LIPI: variants seen among roughly 807,000 people sequenced by gnomAD.
LIPI encodes the protein lipase I, also known as lipase member I.
LIPI carries 59 observed loss-of-function variants against 50.6 expected under a neutral mutation model. That is an observed-to-expected ratio of 1.16 (90% CI 0.94 to 1.45). LIPI has a LOEUF of 1.45. LIPI is among the 40% of genes most tolerant of loss of function. The pLI is 0.00. For missense variants in LIPI, 586 were observed against 536.3 expected, an observed-to-expected ratio of 1.09 and a Z score of -0.92; for synonymous variants, 203 against 178.2, an observed-to-expected ratio of 1.14 and a Z score of -1.11.
chr21:14,204,509 T>G (rs1406093296), intron 1 of LIPI, among the ~76,000 whole-genome samples: 1 of 151,868 alleles, frequency 6.6e-6, no homozygotes, highest in Admixed American at 6.6e-5. Context: ...CTCAATACAA[T>G]AACTAAGGAG....
chr21:14,196,696 C>T lies in LIPI; in HGVS notation c.47-7277G>A, dbSNP rs183853432. Among the ~76,000 whole-genome samples the T allele has an allele frequency of 7.9e-5, 12 of 152,062 alleles. No individual in the cohort carries two copies. The East Asian group carries it at 2.3e-3, about 29-fold the overall frequency. The stretch of plus-strand genomic sequence containing the variant: ...AAGTAAAAATCTAGGTCTGGTAGTG[C>T]ACACCTGTGGTCCTGCCTACTCAGG... On this transcript the variant is annotated intron_variant, in intron 1 of 9. Transcript: ENST00000681601.
chr21:14,123,336 C>T (rs767365198), intron 9 of LIPI, among the ~76,000 whole-genome samples: 45 of 152,232 alleles, frequency 3.0e-4, no homozygotes, highest in Non-Finnish European at 6.0e-4. Context: ...CAGTTTCCAG[C>T]GCTGAATCAG....
At chr21:14,109,823 G>A (rs2016331557) in intron 9 of LIPI, among the ~76,000 whole-genome samples, 2 of 151,496 alleles carry the variant, frequency 1.3e-5, no homozygotes, top group Admixed American at 6.6e-5. Context: ...TTTTACCAAA[G>A]CCTTTGAGAA....
At chr21:14,113,710 C>G (rs2016505377) in intron 9 of LIPI, among the ~76,000 whole-genome samples, 1 of 152,154 alleles carries the variant, frequency 6.6e-6, no homozygotes, top group Non-Finnish European at 1.5e-5. Context: ...TTAGTCTGTT[C>G]TCACACTGCT....
chr21:14,155,577 A>G, intron 7 of LIPI, among the ~76,000 whole-genome samples: 1 of 152,064 alleles, frequency 6.6e-6, no homozygotes, highest in African/African-American at 2.4e-5. Context: ...AGCAGCCAGA[A>G]AGAAATGATG....
At chr21:14,201,638 C>T (rs1332758753) in intron 1 of LIPI, among the ~76,000 whole-genome samples, 2 of 152,234 alleles carry the variant, frequency 1.3e-5, no homozygotes, top group East Asian at 3.9e-4. Context: ...TTCAACAACC[C>T]TTCATGCTAA....
chr21:14,137,923 A>C (rs2017563792), intron 9 of LIPI, among the ~76,000 whole-genome samples: 1 of 152,164 alleles, frequency 6.6e-6, no homozygotes, highest in Non-Finnish European at 1.5e-5. Flanking sequence ...TTCAGTGGAA[A>C]CCATGTAGGC....
At chr21:14,147,624 G>C (rs954358366) in intron 8 of LIPI, among the ~76,000 whole-genome samples, 4 of 151,994 alleles carry the variant, frequency 2.6e-5, no homozygotes, top group Non-Finnish European at 5.9e-5. Flanking sequence ...GCACAGATCC[G>C]GGTCTATAGA....
chr21:14,190,059 G>A lies in LIPI; in HGVS notation c.47-640C>T, dbSNP rs145742169. Among the ~76,000 whole-genome samples, 64 of 152,058 alleles carry A rather than the reference G, an allele frequency of 4.2e-4. 1 individual carries two copies. In the East Asian group the frequency reaches 0.012, roughly 28 times the overall value. On this transcript the variant is annotated intron_variant, in intron 1 of 9. Transcript: ENST00000681601. ...TGTAATAAGTGTAAAGACTTTAACC[G>A]CTGGGTTATGTATAATGGGACAAAA...
At chr21:14,171,214 G>A (rs1212606970) in intron 4 of LIPI, among the ~76,000 whole-genome samples, 2 of 150,838 alleles carry the variant, frequency 1.3e-5, no homozygotes, top group African/African-American at 4.9e-5. Flanking sequence ...TGAAATAAAA[G>A]AGGATACAAA....
chr21:14,131,761 T>C (rs2017305018), intron 9 of LIPI, among the ~76,000 whole-genome samples: 1 of 152,008 alleles, frequency 6.6e-6, no homozygotes, highest in African/African-American at 2.4e-5. Context: ...AAATATAGAA[T>C]TTAAAGAAGC....
intron 9 of LIPI, among the ~76,000 whole-genome samples, chr21:14,125,360 A>G (rs1239043954): frequency 7.2e-5 from 11 of 152,238 alleles, no homozygotes; most frequent in Non-Finnish European, 1.6e-4. Flanking sequence ...GTTAGACTGT[A>G]ATAAAGTTAT....
intron 4 of LIPI, among the ~76,000 whole-genome samples, chr21:14,167,804 G>A (rs1231042250): frequency 1.3e-5 from 2 of 152,210 alleles, no homozygotes; most frequent in Non-Finnish European, 2.9e-5. Flanking sequence ...AAAAAGCAGA[G>A]TGCCTCTCCT....
At chr21:14,168,630 G>A (rs2018779596) in intron 4 of LIPI, among the ~76,000 whole-genome samples, 1 of 152,100 alleles carries the variant, frequency 6.6e-6, no homozygotes, top group Admixed American at 6.5e-5. Context: ...CATAAGTGAA[G>A]GAGAAATAAA....
At chr21:14,119,936 A>G (rs2016800215) in intron 9 of LIPI, among the ~76,000 whole-genome samples, 2 of 152,184 alleles carry the variant, frequency 1.3e-5, no homozygotes, top group Admixed American at 6.5e-5. Flanking sequence ...ACCCTGACGG[A>G]ACAGAGAGGA....
intron 1 of LIPI, among the ~76,000 whole-genome samples, chr21:14,210,471 C>T (rs750318793): frequency 1.3e-5 from 2 of 151,838 alleles, no homozygotes; most frequent in Non-Finnish European, 2.9e-5. Flanking sequence ...ATTTTAAATA[C>T]CAAATTAATT....
intron 9 of LIPI, among the ~76,000 whole-genome samples, chr21:14,117,910 A>G (rs2016715619): frequency 1.3e-5 from 2 of 152,026 alleles, no homozygotes; most frequent in African/African-American, 2.4e-5. Flanking sequence ...CCTGGTTGAA[A>G]GAGAGGCTGG....
intron 4 of LIPI, among the ~76,000 whole-genome samples, chr21:14,168,480 CA>C (rs1199165163): frequency 1.3e-5 from 2 of 152,118 alleles, no homozygotes; most frequent in Non-Finnish European, 2.9e-5. Flanking sequence ...TCGGGTTACC[CA>C]CAAAGGGAAG....
chr21:14,173,839 C>T (rs1005287260), intron 4 of LIPI, among the ~76,000 whole-genome samples: 1 of 151,774 alleles, frequency 6.6e-6, no homozygotes, highest in African/African-American at 2.4e-5. Context: ...GACTTCATGA[C>T]AGGTCCCTAG....
Sources: gnomAD v4.1 joint callset for allele counts (sites outside exome capture counted in the v4.1 genomes callset) on GRCh38, gnomAD v4.1.1 for gene constraint, MANE v1.5 for transcripts, NCBI Gene and HGNC (gene_info 2026-07-23, HGNC 2026-07-21) for gene names.